The following RAB27B variants were observed in gnomAD, a reference collection of about 807,000 sequenced individuals.
RAB27B encodes the protein ras-related protein Rab-27B.
Under a neutral mutation model 24.6 loss-of-function variants are expected in RAB27B, and 15 were observed. The ratio of observed to expected loss-of-function variants is 0.61; its 90% CI spans 0.41 to 0.94. RAB27B has a LOEUF of 0.94. RAB27B is among the 40% of genes least tolerant of loss of function. RAB27B has a pLI of 0.00. For synonymous variants in RAB27B, 105 were observed against 92.5 expected, an observed-to-expected ratio of 1.14 and a Z score of -0.78; for missense variants, 261 against 266.8, an observed-to-expected ratio of 0.98 and a Z score of 0.15.
At chr18:54,738,992 A>G (rs968524687) in intron 2 of RAB27B, among the ~76,000 whole-genome samples, 1 of 152,036 alleles carries the variant, frequency 6.6e-6, no homozygotes, top group Admixed American at 6.6e-5. Context: ...TTAATATGCT[A>G]TTTGTCACTG....
chr18:54,887,045 T>C (rs192900669), intron 4 of RAB27B, among the ~76,000 whole-genome samples: 6 of 50,438 alleles, frequency 1.2e-4, no homozygotes, highest in Non-Finnish European at 1.6e-4. Context: ...CTCCCTCCCT[T>C]CCTTACTTCC....
intron 1 of RAB27B, among the ~76,000 whole-genome samples, chr18:54,862,968 T>G (rs948936899): frequency 2.6e-5 from 4 of 152,230 alleles, no homozygotes; most frequent in Non-Finnish European, 5.9e-5. Flanking sequence ...GGCTATTCTG[T>G]GTCCCTTTCA....
At chr18:54,857,037 A>G (rs1293088776) in intron 1 of RAB27B, among the ~76,000 whole-genome samples, 1 of 152,076 alleles carries the variant, frequency 6.6e-6, no homozygotes, top group East Asian at 1.9e-4. Context: ...GGGTTTAGGG[A>G]TCTACATGCA....
intron 1 of RAB27B, among the ~76,000 whole-genome samples, chr18:54,838,384 T>C (rs1475034348): frequency 1.3e-5 from 2 of 152,268 alleles, no homozygotes; most frequent in East Asian, 3.9e-4. Flanking sequence ...TCCATGTTAA[T>C]ATTTTTTTTC....
At chr18:54,878,047 A>T (rs1015780717) in intron 2 of RAB27B, among the ~76,000 whole-genome samples, 4 of 152,184 alleles carry the variant, frequency 2.6e-5, no homozygotes, top group Non-Finnish European at 4.4e-5. Flanking sequence ...AATTATTAGA[A>T]TTTAAAAACA....
Position 54,889,140 on chromosome 18 carries a change from T to A in RAB27B, c.468-84T>A, listed in dbSNP as rs1045566806. The A allele has an allele frequency of 5.4e-6, 7 of 1,294,496 alleles. No homozygotes were observed. In the South Asian group the frequency reaches 7.3e-5, roughly 14 times the overall value. The allele number at this position is 1,294,496 out of a possible 1,614,324, so 80.2% of individuals were successfully genotyped here. On this transcript the variant is annotated intron_variant, in intron 5 of 5. Transcript: ENST00000262094. ...TCACAATCTCTCAGCCAGCCGTTTT[T>A]GCATGTGTGATTCACTTGTACATCT...
At chr18:54,770,855 T>C (rs950795856) in intron 2 of RAB27B, among the ~76,000 whole-genome samples, 13 of 152,234 alleles carry the variant, frequency 8.5e-5, no homozygotes, top group Non-Finnish European at 1.8e-4. Flanking sequence ...TATTCCATTA[T>C]AAACACCAGC....
chr18:54,850,363 T>TATATATATATATATAC (rs1248383686), intron 1 of RAB27B, among the ~76,000 whole-genome samples: 2 of 142,148 alleles, frequency 1.4e-5, no homozygotes, highest in African/African-American at 2.6e-5. Context: ...TATATATACA[T>TATATATATATATATAC]ACATACATAT....
At position 54,893,405 on chromosome 18, in the gene RAB27B, G is replaced by A. The variant is rs570494784; in HGVS notation, c.*3992G>A. On this transcript the variant is annotated 3_prime_UTR_variant, in exon 6 of 6. Coordinates refer to ENST00000262094, the MANE Select transcript of RAB27B (RefSeq NM_004163.4). ...GTTGTTTTTTCCTCTCTACTACCAA[G>A]CTTTAAGACATTAAAAGAAGTCTAG... 2 of 152,068 alleles carry A rather than the reference G, an allele frequency of 1.3e-5. No individual in the cohort carries two copies. The highest frequency in any genetic ancestry group is 2.1e-4 in the South Asian group (1 of 4,820). The allele number at this position is 152,068 out of a possible 1,614,324, so 9.4% of individuals were successfully genotyped here.
chr18:54,796,797 G>A (rs1409489032), intron 2 of RAB27B, among the ~76,000 whole-genome samples: 1 of 152,202 alleles, frequency 6.6e-6, no homozygotes, highest in African/African-American at 2.4e-5. Context: ...ACTTAGGTCT[G>A]CAAACACAGG....
chr18:54,799,830 C>T (rs916600390), intron 2 of RAB27B, among the ~76,000 whole-genome samples: 2 of 151,816 alleles, frequency 1.3e-5, no homozygotes, highest in Non-Finnish European at 2.9e-5. Flanking sequence ...GGGTTTCACC[C>T]GTGTTAGCCA....
At chr18:54,874,287 A>G (rs1912601432) in intron 1 of RAB27B, among the ~76,000 whole-genome samples, 1 of 152,222 alleles carries the variant, frequency 6.6e-6, no homozygotes, top group South Asian at 2.1e-4. Context: ...GGATCACTGC[A>G]GTCCCTGAAG....
chr18:54,776,760 T>C (rs948920154), intron 2 of RAB27B, among the ~76,000 whole-genome samples: 3 of 152,192 alleles, frequency 2.0e-5, no homozygotes, highest in Admixed American at 6.5e-5. Flanking sequence ...GAAGGTTTGA[T>C]GAATGAATAA....
chr18:54,850,357 T>TATATATATATATATACACATAC (rs1264669719), intron 1 of RAB27B, among the ~76,000 whole-genome samples: 2 of 130,566 alleles, frequency 1.5e-5, no homozygotes, highest in African/African-American at 6.2e-5. Flanking sequence ...TATATATATA[T>TATATATATATATATACACATAC]ATACATACAT....
In RAB27B at chr18:54,843,148, A is replaced by G. The variant is rs139409651; in HGVS notation, c.-20+14448A>G. 9.7e-4 allele frequency among the ~76,000 whole-genome samples: 147 copies of G among 152,244 alleles called. 1 individual carries two copies. Among genetic ancestry groups the G allele is most frequent in the African/African-American group, 3.0e-3 (124 of 41,564 alleles). On this transcript the variant is annotated intron_variant, in intron 1 of 5. Transcript: ENST00000262094. ...AACATAAACTTCTATAAAGTAAATC[A>G]CTGTCTTTCAAATTCATTTGTACCA...
rs1392733753 is a variant in RAB27B at position 54,720,458 on chromosome 18, C to T, written c.-20+2317C>T. On this transcript the variant is annotated intron_variant, in intron 2 of 4. Coordinates refer to the RAB27B transcript ENST00000586570. ...AGCAGTACTTTTCCATCCAAAAAGA[C>T]AGACAATATTCCCTAACAGAAATTC... Among the ~76,000 whole-genome samples, 8 of 152,144 alleles carry T rather than the reference C, an allele frequency of 5.3e-5. 1 individual carries two copies. In the South Asian group the frequency reaches 8.3e-4, roughly 16 times the overall value.
At chr18:54,751,511 T>C (rs564753529) in intron 2 of RAB27B, among the ~76,000 whole-genome samples, 8 of 152,278 alleles carry the variant, frequency 5.3e-5, no homozygotes, top group Non-Finnish European at 8.8e-5. Flanking sequence ...AGAAATTAAA[T>C]AGACTTGGGG....
At chr18:54,736,436 T>A (rs1909895245) in intron 2 of RAB27B, among the ~76,000 whole-genome samples, 1 of 151,998 alleles carries the variant, frequency 6.6e-6, no homozygotes, top group South Asian at 2.1e-4. Flanking sequence ...CTTATTTCCT[T>A]GAATTTCATT....
At chr18:54,771,469 A>C (rs1908546431) in intron 2 of RAB27B, among the ~76,000 whole-genome samples, 1 of 152,116 alleles carries the variant, frequency 6.6e-6, no homozygotes, top group Admixed American at 6.5e-5. Context: ...CAACGAGCCC[A>C]ACACTGGACA....
Sources: allele counts gnomAD v4.1 joint callset (sites outside exome capture counted in the v4.1 genomes callset), GRCh38; gene constraint gnomAD v4.1.1; transcripts MANE v1.5; gene names NCBI Gene and HGNC (gene_info 2026-07-23, HGNC 2026-07-21).